The following ADAM10 variants were observed in gnomAD, a reference collection of about 807,000 sequenced individuals.
ADAM10 encodes ADAM metallopeptidase domain 10, also known as disintegrin and metalloproteinase domain-containing protein 10.
In ADAM10, 17 loss-of-function variants were observed where a neutral mutation model predicts 90.1. That is an observed-to-expected ratio of 0.19 (90% confidence interval 0.13 to 0.28). The LOEUF (loss-of-function observed/expected upper bound fraction) is 0.28. ADAM10 is among the 10% of genes least tolerant of loss of function. ADAM10 has a pLI of 1.00. For synonymous variants in ADAM10, 310 were observed against 298.6 expected, an observed-to-expected ratio of 1.04 and a Z score of -0.40; for missense variants, 610 against 914.3, an observed-to-expected ratio of 0.67 and a Z score of 4.29.
intron 5 of ADAM10, among the ~76,000 whole-genome samples, chr15:58,656,574 T>C (rs775795513): frequency 5.3e-5 from 8 of 152,198 alleles, no homozygotes; most frequent in Non-Finnish European, 1.0e-4. Flanking sequence ...TGCATAATTA[T>C]AGAAGCAAAA....
At chr15:58,672,764 G>A (rs1190766325) in intron 4 of ADAM10, 10 of 115,338 alleles carry the variant, frequency 8.7e-5, no homozygotes, top group African/African-American at 3.8e-4. Context: ...TGCATACTGA[G>A]CTAAAGGAAG....
In ADAM10 at chr15:58,695,767, G is replaced by A. The variant is rs549018446; in HGVS notation, c.207-13453C>T. Among the ~76,000 whole-genome samples, 10 of 152,194 alleles carry A rather than the reference G, an allele frequency of 6.6e-5. No individual in the cohort carries two copies. In the South Asian group the frequency reaches 1.2e-3, roughly 19 times the overall value. Reference sequence around the variant, plus strand: ...GAGGCTGAGGCGGATAGATATTTGAGGTCAGGAGTTCAAGATCAGCCTGGC... The same window carrying A: ...GAGGCTGAGGCGGATAGATATTTGAAGTCAGGAGTTCAAGATCAGCCTGGC... On this transcript the variant is annotated intron_variant, in intron 2 of 15. Coordinates refer to ENST00000260408, the MANE Select transcript of ADAM10 (RefSeq NM_001110.4).
intron 15 of ADAM10, among the ~76,000 whole-genome samples, chr15:58,598,123 T>C (rs1895006783): frequency 2.0e-5 from 3 of 152,202 alleles, no homozygotes; most frequent in Non-Finnish European, 4.4e-5. Flanking sequence ...ATGCCTACAC[T>C]GTAAAACAAG....
chr15:58,679,597 A>T (rs879816683), intron 3 of ADAM10, among the ~76,000 whole-genome samples: 2 of 152,166 alleles, frequency 1.3e-5, no homozygotes, highest in Non-Finnish European at 2.9e-5. Flanking sequence ...GCATGTATGC[A>T]GTAGTCATCA....
At chr15:58,714,450 A>C (rs1898588353) in intron 2 of ADAM10, among the ~76,000 whole-genome samples, 2 of 152,148 alleles carry the variant, frequency 1.3e-5, no homozygotes, top group South Asian at 4.1e-4. Flanking sequence ...TTATGTGTTA[A>C]AGTATACTGA....
intron 1 of ADAM10, among the ~76,000 whole-genome samples, chr15:58,718,604 T>C (rs1898741251): frequency 6.6e-6 from 1 of 152,190 alleles, no homozygotes; most frequent in South Asian, 2.1e-4. Context: ...GTCTACCCAA[T>C]GCTCCATGAA....
At chr15:58,669,466 C>T (rs1453208459) in intron 4 of ADAM10, among the ~76,000 whole-genome samples, 8 of 152,094 alleles carry the variant, frequency 5.3e-5, no homozygotes, top group Admixed American at 3.9e-4. Flanking sequence ...GAGATTACAC[C>T]TAAGTTGTAT....
intron 8 of ADAM10, among the ~76,000 whole-genome samples, chr15:58,635,638 T>C (rs563985565): frequency 8.7e-4 from 132 of 152,298 alleles, no homozygotes; most frequent in African/African-American, 3.0e-3. Flanking sequence ...GTATTCTGTA[T>C]ATAATAATTA....
chr15:58,689,876 A>C (rs1566996135), intron 2 of ADAM10, among the ~76,000 whole-genome samples: 1 of 151,686 alleles, frequency 6.6e-6, no homozygotes, highest in African/African-American at 2.4e-5. Context: ...AACTATTTTA[A>C]GAAAACAGGA....
At chr15:58,692,470 T>C (rs764800728) in intron 2 of ADAM10, 59 of 519,690 alleles carry the variant, frequency 1.1e-4, no homozygotes, top group South Asian at 8.0e-4. Flanking sequence ...CTTGGGCTTT[T>C]CTTTATCATC....
intron 5 of ADAM10, among the ~76,000 whole-genome samples, chr15:58,648,707 T>A (rs563592833): frequency 5.1e-4 from 78 of 152,328 alleles, no homozygotes; most frequent in Non-Finnish European, 1.0e-3. Flanking sequence ...ATGATTTTTC[T>A]ATTATTCCTT....
intron 15 of ADAM10, among the ~76,000 whole-genome samples, chr15:58,598,227 A>G (rs1895009960): frequency 6.6e-6 from 1 of 152,234 alleles, no homozygotes; most frequent in African/African-American, 2.4e-5. Flanking sequence ...AATGACAGCT[A>G]GTTTTCTAAG....
intron 7 of ADAM10, among the ~76,000 whole-genome samples, chr15:58,642,252 G>T (rs1256411752): frequency 6.6e-6 from 1 of 152,134 alleles, no homozygotes; most frequent in East Asian, 1.9e-4. Context: ...GATCACCTGA[G>T]GTCAGGAGTT....
chr15:58,714,421 C>G (rs531072312), intron 2 of ADAM10, among the ~76,000 whole-genome samples: 1 of 151,990 alleles, frequency 6.6e-6, no homozygotes, highest in African/African-American at 2.4e-5. Flanking sequence ...GTTAACTGCA[C>G]AGTATTTAAT....
At chr15:58,732,961 G>A (rs1899305750) in intron 1 of ADAM10, 1 of 152,480 alleles carries the variant, frequency 6.6e-6, no homozygotes, top group African/African-American at 2.4e-5. Context: ...GAGAATTCGT[G>A]ATGGAACAAG....
In ADAM10 at chr15:58,627,845, C is replaced by T; in HGVS notation, c.1215G>A (p.Lys405=). 6.2e-7 allele frequency: 1 copy of T among 1,613,572 alleles called. No individual in the cohort carries two copies. Among genetic ancestry groups the T allele is most frequent in the Non-Finnish European group, 8.5e-7 (1 of 1,179,756 alleles). The change falls in exon 10 of 16, where the codon AAG becomes AAA. Residue 405 remains lysine, a synonymous_variant. Transcript: ENST00000260408. ...SGTECTPGES[K]NLGQKENGNY... ...TGCCATTTTCTTTTTGACCCAAATTCTTAGATTCTCCTGGTGTGCACTCTG... is the reference window on the plus strand; with the variant it reads ...TGCCATTTTCTTTTTGACCCAAATTTTTAGATTCTCCTGGTGTGCACTCTG...
At chr15:58,673,867 T>A (rs1385688252) in intron 4 of ADAM10, among the ~76,000 whole-genome samples, 1 of 152,038 alleles carries the variant, frequency 6.6e-6, no homozygotes, top group Non-Finnish European at 1.5e-5. Flanking sequence ...CTCGAGTAGC[T>A]GGGACTACAG....
intron 4 of ADAM10, among the ~76,000 whole-genome samples, chr15:58,675,555 T>G (rs1469597747): frequency 6.6e-6 from 1 of 152,218 alleles, no homozygotes; most frequent in African/African-American, 2.4e-5. Flanking sequence ...AGTGGTATTC[T>G]TACCTTGTCA....
At chr15:58,739,456 GC>G (rs1323722795) in intron 1 of ADAM10, among the ~76,000 whole-genome samples, 1 of 152,134 alleles carries the variant, frequency 6.6e-6, no homozygotes, top group Non-Finnish European at 1.5e-5. Context: ...GGCGGAGCTG[GC>G]AGTGAGCCGA....
Sources: allele counts gnomAD v4.1 joint callset (sites outside exome capture counted in the v4.1 genomes callset), GRCh38; gene constraint gnomAD v4.1.1; transcripts MANE v1.5; gene names NCBI Gene and HGNC (gene_info 2026-07-23, HGNC 2026-07-21).